JAKMIP1: variants seen among roughly 807,000 people sequenced by gnomAD.
JAKMIP1 encodes the protein janus kinase and microtubule interacting protein 1, also known as janus kinase and microtubule-interacting protein 1.
JAKMIP1 carries 33 observed loss-of-function variants against 113.0 expected under a neutral mutation model. The observed-to-expected ratio is 0.29, with a 90% CI of 0.22 to 0.39. The LOEUF (loss-of-function observed/expected upper bound fraction) is 0.39. Ranked by LOEUF, JAKMIP1 falls within the 10% of genes least tolerant of loss-of-function variation. JAKMIP1 has a pLI of 1.00. For synonymous variants in JAKMIP1, 480 were observed against 459.9 expected, an observed-to-expected ratio of 1.04 and a Z score of -0.56; for missense variants, 813 against 1,080.5, an observed-to-expected ratio of 0.75 and a Z score of 3.47.
At chr4:6,084,586 C>T (rs1721019184) in intron 5 of JAKMIP1, among the ~76,000 whole-genome samples, 1 of 152,212 alleles carries the variant, frequency 6.6e-6, no homozygotes, top group African/African-American at 2.4e-5. Flanking sequence ...ACATAAACAA[C>T]ACTGCAATGA....
rs918163169 is a variant in JAKMIP1 at position 6,112,965 on chromosome 4, C to T, written c.-115G>A. ...CTAACCAGTCGCGCAGGACTCAGCT[C>T]GCCCTCCGAGGAAACCACCATCACT... On this transcript the variant is annotated 5_prime_UTR_variant, in exon 2 of 21. Coordinates refer to ENST00000409021, the MANE Select transcript of JAKMIP1 (RefSeq NM_001099433.2). 7.2e-6 allele frequency: 10 copies of T among 1,396,222 alleles called. No homozygotes were observed. The highest frequency in any genetic ancestry group is 4.4e-4 in the Middle Eastern group (2 of 4,518). The allele number at this position is 1,396,222 out of a possible 1,614,324, so 86.5% of individuals were successfully genotyped here.
Position 6,105,799 on chromosome 4 carries a change from C to A in JAKMIP1, c.298G>T (p.Ala100Ser), listed in dbSNP as rs749938147. The change falls in exon 3 of 21, where the codon GCG becomes TCG. Residue 100 changes from alanine (A) to serine (S), a missense_variant. Ala to Ser is a moderately conservative substitution (Grantham distance 99). Around this residue, in one of 2 missense-constraint regions of JAKMIP1, gnomAD observed 540 missense variants for 653.9 expected, o/e 0.83. Transcript: ENST00000409021. ...CCCTCCTTGATCTTGGCGGTGCGCG[C>A]CGCCTCCTGCTCGTGCTGCCGGATG... ...GLIRQHEQEA[A>S]RTAKIKEGEL... The A allele has an allele frequency of 2.5e-6, 4 of 1,608,826 alleles. No individual in the cohort carries two copies. In the African/African-American group the frequency reaches 4.0e-5, roughly 16 times the overall value.
chr4:6,092,718 T>C lies in JAKMIP1; in HGVS notation c.625-7089A>G, dbSNP rs1017051836. Reference sequence around the variant, plus strand: ...GGCAGAGAATAGAAAACCTTTTCAGTGTTCATGCAGACCCACTATATCGGT... The same window carrying C: ...GGCAGAGAATAGAAAACCTTTTCAGCGTTCATGCAGACCCACTATATCGGT... On this transcript the variant is annotated intron_variant, in intron 3 of 20. Coordinates refer to ENST00000409021, the MANE Select transcript of JAKMIP1 (RefSeq NM_001099433.2). Among the ~76,000 whole-genome samples, 5 of 152,266 alleles carry C rather than the reference T, an allele frequency of 3.3e-5. No homozygotes were observed. In the South Asian group the frequency reaches 6.2e-4, roughly 19 times the overall value.
At chr4:6,026,407 G>A (rs1454587429) in intron 20 of JAKMIP1, 129 bp from the exon 21 acceptor site, 9 of 628,796 alleles carry the variant, frequency 1.4e-5, no homozygotes, top group Non-Finnish European at 2.5e-5. Flanking sequence ...GTTGGGTTCG[G>A]AAAGAGAAAT....
intron 16 of JAKMIP1, among the ~76,000 whole-genome samples, chr4:6,046,241 C>T (rs1714978409): frequency 2.0e-5 from 3 of 152,232 alleles, no homozygotes; most frequent in African/African-American, 7.2e-5. Flanking sequence ...ACATGAAGGT[C>T]CACTTCTGGA....
In JAKMIP1 at chr4:6,137,835, C is replaced by T. The variant is rs1221081483; in HGVS notation, c.-147-24838G>A. Reference sequence around the variant, plus strand: ...AAGGTGCCCACTGGCTGGCATGGGCCTGGCAGACAAGGTGTGCTCTGGCGT... The same window carrying T: ...AAGGTGCCCACTGGCTGGCATGGGCTTGGCAGACAAGGTGTGCTCTGGCGT... On this transcript the variant is annotated intron_variant, in intron 1 of 20. Transcript: ENST00000409021. The surrounding 1 kb of genome is among the most constrained non-coding windows in gnomAD (Gnocchi z 4.5). Among the ~76,000 whole-genome samples the T allele has an allele frequency of 1.3e-5, 2 of 152,260 alleles. No homozygotes were observed. Among genetic ancestry groups the T allele is most frequent in the African/African-American group, 4.8e-5 (2 of 41,480 alleles).
In JAKMIP1 at chr4:6,158,614, A is replaced by AC. The variant is rs1229490853; in HGVS notation, c.-148+41638dup. 6.6e-6 allele frequency among the ~76,000 whole-genome samples: 1 copy of AC among 151,092 alleles called. No homozygotes were observed. Among genetic ancestry groups the AC allele is most frequent in the South Asian group, 2.1e-4 (1 of 4,736 alleles). ...CTCCATCCCATAGGGCCATTTCTCC[A>AC]CCCCCCACCCCCACCAGCCCCAGCT... On this transcript the variant is annotated intron_variant, in intron 1 of 20. Transcript: ENST00000409021. The surrounding 1 kb of genome is among the most constrained non-coding windows in gnomAD (Gnocchi z 5.3).
chr4:6,189,452 A>G (rs1012091917), intron 1 of JAKMIP1, among the ~76,000 whole-genome samples: 7 of 152,220 alleles, frequency 4.6e-5, no homozygotes, highest in African/African-American at 1.7e-4. Flanking sequence ...TTTTCAGCGC[A>G]GAGTGGACCT....
At chr4:6,083,934 TAA>T (rs1560159296) in intron 5 of JAKMIP1, among the ~76,000 whole-genome samples, 1 of 152,218 alleles carries the variant, frequency 6.6e-6, no homozygotes, top group Admixed American at 6.5e-5. Context: ...AATTAATGTA[TAA>T]GTTTTAGTTT....
rs924917683 is a variant in JAKMIP1 at position 6,192,658 on chromosome 4, C to T, written c.-148+7595G>A. 1.3e-5 allele frequency among the ~76,000 whole-genome samples: 2 copies of T among 152,220 alleles called. No individual in the cohort carries two copies. Among genetic ancestry groups the T allele is most frequent in the South Asian group, 2.1e-4 (1 of 4,828 alleles). On this transcript the variant is annotated intron_variant, in intron 1 of 20. Coordinates refer to ENST00000409021, the MANE Select transcript of JAKMIP1 (RefSeq NM_001099433.2). The surrounding 1 kb of genome is among the most constrained non-coding windows in gnomAD (Gnocchi z 5.0). ...TCAATAGCAGTGATTACTTATTGCA[C>T]ACCTGCTCTGTGCCAATGCCCAAGG... is the stretch of plus-strand genomic sequence containing the variant.
chr4:6,094,008 G>A lies in JAKMIP1; in HGVS notation c.625-8379C>T, dbSNP rs1032284438. ...TCCCAAGCAGAGATCACATGGGAGCGGGTGTCACCTGTCACCCCAGTAGAC... is the reference window on the plus strand; with the variant it reads ...TCCCAAGCAGAGATCACATGGGAGCAGGTGTCACCTGTCACCCCAGTAGAC... On this transcript the variant is annotated intron_variant, in intron 3 of 20. Transcript: ENST00000409021. The surrounding 1 kb of genome is among the most constrained non-coding windows in gnomAD (Gnocchi z 4.2). Among the ~76,000 whole-genome samples, 1 of 151,848 alleles carries A rather than the reference G, an allele frequency of 6.6e-6. No homozygotes were observed. The highest frequency in any genetic ancestry group is 6.6e-5 in the Admixed American group (1 of 15,250).
chr4:6,161,027 C>CT (rs1722861880), intron 1 of JAKMIP1, among the ~76,000 whole-genome samples: 1 of 150,146 alleles, frequency 6.7e-6, no homozygotes, highest in African/African-American at 2.5e-5. Flanking sequence ...CACTCACCTC[C>CT]CTGACCTCCA....
intron 1 of JAKMIP1, among the ~76,000 whole-genome samples, chr4:6,123,539 G>C (rs945703445): frequency 6.6e-6 from 1 of 152,226 alleles, no homozygotes; most frequent in African/African-American, 2.4e-5. Context: ...AGAAGCCTCA[G>C]GCTGGGCATG....
rs943407353 is a variant in JAKMIP1 at position 6,168,080 on chromosome 4, C to T, written c.-148+32173G>A. On this transcript the variant is annotated intron_variant, in intron 1 of 20. Coordinates refer to ENST00000409021, the MANE Select transcript of JAKMIP1 (RefSeq NM_001099433.2). This position sits in a 1 kb window ranked among gnomAD's most constrained non-coding sequence, Gnocchi z 4.6. ...CCCTCAGGGTAATACCAATCAAAAC[C>T]GCAGTGAGACGGCACCACACACCAC... Among the ~76,000 whole-genome samples, 2 of 152,164 alleles carry T rather than the reference C, an allele frequency of 1.3e-5. No individual in the cohort carries two copies. Among genetic ancestry groups the T allele is most frequent in the Admixed American group, 6.5e-5 (1 of 15,272 alleles).
chr4:6,101,356 A>G (rs200558325), intron 3 of JAKMIP1, among the ~76,000 whole-genome samples: 1 of 151,992 alleles, frequency 6.6e-6, no homozygotes, highest in East Asian at 1.9e-4. Flanking sequence ...TCCTCTCTAT[A>G]GTGAACTGCC....
At chr4:6,123,050 G>T (rs776457530) in intron 1 of JAKMIP1, among the ~76,000 whole-genome samples, 1 of 152,224 alleles carries the variant, frequency 6.6e-6, no homozygotes, top group Non-Finnish European at 1.5e-5. Context: ...TTAAACGAAA[G>T]ATGTCACTTG....
In JAKMIP1 at chr4:6,081,874, G is replaced by A. The variant is rs1184112817; in HGVS notation, c.955-119C>T. The A allele has an allele frequency of 8.0e-6, 9 of 1,124,642 alleles. No homozygotes were observed. The highest frequency in any genetic ancestry group is 1.1e-5 in the Non-Finnish European group (9 of 786,304). The allele number at this position is 1,124,642 out of a possible 1,614,324, so 69.7% of individuals were successfully genotyped here. ...GACCCCTTCTGAGGCCAGTGTCCTG[G>A]ATGACACATTTGTTTGCTAGTTGCA... On this transcript the variant is annotated intron_variant, in intron 5 of 20. Transcript: ENST00000409021. This position sits in a 1 kb window ranked among gnomAD's most constrained non-coding sequence, Gnocchi z 4.6.
intron 7 of JAKMIP1, among the ~76,000 whole-genome samples, chr4:6,079,521 C>T (rs1578173643): frequency 6.6e-6 from 1 of 152,226 alleles, no homozygotes; most frequent in African/African-American, 2.4e-5. Context: ...AACCATCACA[C>T]ACCCACTTTG....
At position 6,049,864 on chromosome 4, in the gene JAKMIP1, A is replaced by G; in HGVS notation, c.1917T>C (p.Asn639=). 1 of 1,612,004 alleles carries G rather than the reference A, an allele frequency of 6.2e-7. No homozygotes were observed. Among genetic ancestry groups the G allele is most frequent in the Non-Finnish European group, 8.5e-7 (1 of 1,178,222 alleles). Reference sequence around the variant, plus strand: ...CTAATTTCTTCATAAGTTCAGAAACATTCACATCCTGGAAGAGATTTCCAA... The same window carrying G: ...CTAATTTCTTCATAAGTTCAGAAACGTTCACATCCTGGAAGAGATTTCCAA... ...FCHQEGVKDV[N]VSELMKKLDI... Residue 639 remains asparagine (N), a synonymous_variant, in exon 15 of 21, where the codon AAT becomes AAC. Coordinates refer to ENST00000409021, the MANE Select transcript of JAKMIP1 (RefSeq NM_001099433.2). This position sits in a 1 kb window ranked among gnomAD's most constrained non-coding sequence, Gnocchi z 7.0.
Sources: gnomAD v4.1 joint callset for allele counts (sites outside exome capture counted in the v4.1 genomes callset) on GRCh38, gnomAD v4.1.1 for gene constraint, gnomAD v4.1.1 regional missense constraint, Gnocchi (gnomAD v3.1) non-coding constraint, MANE v1.5 for transcripts, NCBI Gene and HGNC (gene_info 2026-07-23, HGNC 2026-07-21) for gene names.